The following PHTF1 variants were observed in gnomAD, a reference collection of about 807,000 sequenced individuals.
PHTF1 encodes protein PHTF1.
In PHTF1, 88 loss-of-function variants were observed where a neutral mutation model predicts 102.4. The ratio of observed to expected loss-of-function variants is 0.86; its 90% CI spans 0.72 to 1.03. The LOEUF (loss-of-function observed/expected upper bound fraction) is 1.03. Among genes scored for constraint, PHTF1 ranks in the 50% least tolerant of loss-of-function variants. The pLI is 0.00. For synonymous variants in PHTF1, 289 were observed against 305.2 expected (o/e 0.95, Z 0.55); for missense variants, 814 against 909.5 (o/e 0.89, Z 1.35).
chr1:113,744,962 G>A (rs1656989846), intron 3 of PHTF1, among the ~76,000 whole-genome samples: 1 of 149,572 alleles, frequency 6.7e-6, no homozygotes, highest in African/African-American at 2.5e-5. Flanking sequence ...AGAAGGGAAT[G>A]GAAGGGAAGG....
chr1:113,700,939 C>A lies in PHTF1; in HGVS notation c.1901G>T (p.Gly634Val). ...AGCATCATTCAGGAAAGTTTTATGT[C>A]CTTGGAGAACCTATACAAAGGATCA... ...AFICCAQVLQ[G>V]HKTFLNDAYN... The change falls in exon 16 of 19, where the codon GGA becomes GTA. Residue 634 changes from glycine to valine, a missense_variant. Coordinates refer to ENST00000369604, the MANE Select transcript of PHTF1 (RefSeq NM_001323043.2). 6.2e-7 allele frequency: 1 copy of A among 1,605,952 alleles called. No homozygotes were observed. Among genetic ancestry groups the A allele is most frequent in the Non-Finnish European group, 8.5e-7 (1 of 1,177,376 alleles).
intron 3 of PHTF1, among the ~76,000 whole-genome samples, chr1:113,742,599 C>T (rs866105786): frequency 3.3e-5 from 5 of 151,166 alleles, no homozygotes; most frequent in African/African-American, 7.3e-5. Context: ...CCAGCCTAGG[C>T]GACAAGAGTG....
chr1:113,712,184 C>G, intron 8 of PHTF1, 71 bp from the exon 9 acceptor site: 1 of 1,228,496 alleles, frequency 8.1e-7, no homozygotes, highest in Non-Finnish European at 1.1e-6. Context: ...TGTGTAAAAA[C>G]AAAAAAAAAT....
chr1:113,712,803 T>C (rs982199151), intron 8 of PHTF1, among the ~76,000 whole-genome samples: 7 of 110,430 alleles, frequency 6.3e-5, no homozygotes, highest in Admixed American at 4.3e-4. Context: ...TTTTTTTTTT[T>C]TGAGACGGAG....
intron 14 of PHTF1, 26 bp from the exon 15 acceptor site, chr1:113,704,193 T>TTA: frequency 6.6e-7 from 1 of 1,506,388 alleles, no homozygotes; most frequent in African/African-American, 1.4e-5. Flanking sequence ...CATGTGTTAA[T>TTA]GTTTTAGTTA....
intron 5 of PHTF1, among the ~76,000 whole-genome samples, chr1:113,728,661 C>T (rs1424994627): frequency 1.3e-5 from 2 of 152,202 alleles, no homozygotes; most frequent in African/African-American, 4.8e-5. Flanking sequence ...GTAATCCCAG[C>T]ACTTTGAGAG....
chr1:113,753,475 C>G (rs1658386613), intron 3 of PHTF1, among the ~76,000 whole-genome samples: 1 of 151,374 alleles, frequency 6.6e-6, no homozygotes, highest in African/African-American at 2.4e-5. Flanking sequence ...GTTGCCCAGG[C>G]TGGAGTGCAA....
chr1:113,725,715 G>A (rs1039355718), intron 6 of PHTF1: 3 of 152,246 alleles, frequency 2.0e-5, no homozygotes, highest in African/African-American at 7.2e-5. Flanking sequence ...TGTAATCCCA[G>A]TCCTTTGGGA....
intron 3 of PHTF1, among the ~76,000 whole-genome samples, chr1:113,748,825 C>T (rs1163227269): frequency 6.6e-6 from 1 of 152,196 alleles, no homozygotes; most frequent in East Asian, 1.9e-4. Flanking sequence ...AGCCACTGTA[C>T]CCAGCCACCC....
chr1:113,735,505 G>T (rs575107614), intron 5 of PHTF1, among the ~76,000 whole-genome samples: 1 of 150,794 alleles, frequency 6.6e-6, no homozygotes, highest in East Asian at 2.0e-4. Flanking sequence ...ATGATGGTAT[G>T]CCCATATGAT....
chr1:113,706,220 C>T (rs2101116430), intron 12 of PHTF1, 58 bp from the exon 13 acceptor site: 2 of 1,388,848 alleles, frequency 1.4e-6, no homozygotes, highest in East Asian at 4.6e-5. Flanking sequence ...AGTTACAAAG[C>T]AGTATTTATC....
chr1:113,730,374 A>C (rs1230940729), intron 5 of PHTF1, among the ~76,000 whole-genome samples: 2 of 152,264 alleles, frequency 1.3e-5, no homozygotes, highest in African/African-American at 4.8e-5. Context: ...ATATATAAGT[A>C]AAATCAATAC....
At chr1:113,717,035 TAC>T (rs1652163733) in intron 7 of PHTF1, among the ~76,000 whole-genome samples, 1 of 152,012 alleles carries the variant, frequency 6.6e-6, no homozygotes, top group East Asian at 1.9e-4. Flanking sequence ...AAGATATAAA[TAC>T]AAACAACAAA....
chr1:113,735,301 G>T (rs1375109543), intron 5 of PHTF1, among the ~76,000 whole-genome samples: 1 of 139,584 alleles, frequency 7.2e-6, no homozygotes, highest in Non-Finnish European at 1.5e-5. Flanking sequence ...GGGAGGCAGA[G>T]GTTGCAGTGA....
chr1:113,711,199 G>A (rs771761864), intron 10 of PHTF1, among the ~76,000 whole-genome samples: 19 of 151,850 alleles, frequency 1.3e-4, no homozygotes, highest in Non-Finnish European at 2.2e-4. Context: ...GCTCCAAAAC[G>A]TTAAAGGATA....
intron 5 of PHTF1, 35 bp downstream of exon 5, chr1:113,738,075 A>C: frequency 6.8e-7 from 1 of 1,472,888 alleles, no homozygotes; most frequent in Non-Finnish European, 9.4e-7. Context: ...CAGCAAAAAG[A>C]AACTGTCATT....
chr1:113,750,939 G>A (rs943948095), intron 3 of PHTF1, among the ~76,000 whole-genome samples: 23 of 151,386 alleles, frequency 1.5e-4, no homozygotes, highest in African/African-American at 5.6e-4. Context: ...AATAATATTA[G>A]ACATTAGATT....
intron 17 of PHTF1, chr1:113,698,756 T>C: frequency 9.6e-5 from 20 of 209,306 alleles, no homozygotes; most frequent in South Asian, 3.9e-4. Flanking sequence ...CCCAAAACCA[T>C]CAGGTCAGCA....
At chr1:113,753,617 G>C (rs1185507879) in intron 3 of PHTF1, among the ~76,000 whole-genome samples, 4 of 151,792 alleles carry the variant, frequency 2.6e-5, no homozygotes, top group African/African-American at 9.7e-5. Flanking sequence ...TAGCAGAGAA[G>C]GGGTTTCACC....
Sources: gnomAD v4.1 joint callset for allele counts (sites outside exome capture counted in the v4.1 genomes callset) on GRCh38, gnomAD v4.1.1 for gene constraint, MANE v1.5 for transcripts, NCBI Gene and HGNC (gene_info 2026-07-23, HGNC 2026-07-21) for gene names.